The following FGD6 variants were observed in gnomAD, a reference collection of about 807,000 sequenced individuals.
The protein encoded by FGD6 is FYVE, RhoGEF and PH domain containing 6.
In FGD6, 90 loss-of-function variants were observed where a neutral mutation model predicts 149.4. That is an observed-to-expected ratio of 0.60 (90% CI 0.51 to 0.72). The LOEUF (loss-of-function observed/expected upper bound fraction) is 0.72. Ranked by LOEUF, FGD6 falls within the 30% of genes least tolerant of loss-of-function variation. The pLI is 0.00. For synonymous variants in FGD6, 527 were observed against 584.0 expected (o/e 0.90, Z 1.41); for missense variants, 1,437 against 1,684.8 (o/e 0.85, Z 2.57).
chr12:95,195,078 A>T (rs890242572), intron 2 of FGD6, among the ~76,000 whole-genome samples: 4 of 152,210 alleles, frequency 2.6e-5, no homozygotes, highest in Non-Finnish European at 5.9e-5. Context: ...CTGAGGGGAC[A>T]TGAAGTTTAC....
chr12:95,199,562 G>A (rs1881816234), intron 2 of FGD6, among the ~76,000 whole-genome samples: 1 of 151,210 alleles, frequency 6.6e-6, no homozygotes, highest in Admixed American at 6.6e-5. Flanking sequence ...TGCTTTATCT[G>A]CATGTTTTTA....
intron 3 of FGD6, among the ~76,000 whole-genome samples, chr12:95,167,668 G>A (rs1250923576): frequency 1.3e-4 from 19 of 146,438 alleles, no homozygotes; most frequent in Admixed American, 8.3e-4. Flanking sequence ...TCCGCAACCC[G>A]GGTTCAAGCA....
intron 2 of FGD6, among the ~76,000 whole-genome samples, chr12:95,203,326 A>T (rs1335337102): frequency 6.6e-6 from 1 of 152,200 alleles, no homozygotes; most frequent in Non-Finnish European, 1.5e-5. Flanking sequence ...CTTCTGGGCA[A>T]AGTTTCAAGG....
intron 8 of FGD6, among the ~76,000 whole-genome samples, chr12:95,129,866 G>A (rs1293016191): frequency 6.6e-6 from 1 of 151,974 alleles, no homozygotes; most frequent in Non-Finnish European, 1.5e-5. Flanking sequence ...TAGAGACAGG[G>A]TTTCACCATG....
In FGD6 at chr12:95,186,225, C is replaced by CTTTTTTT. The variant is rs1881428152; in HGVS notation, c.2442-13482_2442-13481insAAAAAAA. Among the ~76,000 whole-genome samples, 48 of 71,184 alleles carry CTTTTTTT rather than the reference C, an allele frequency of 6.7e-4. 19 individuals carry two copies. Among genetic ancestry groups the CTTTTTTT allele is most frequent in the South Asian group, 9.7e-4 (2 of 2,072 alleles). The allele number at this position is 71,184 out of a possible 152,430, so 46.7% of individuals were successfully genotyped here. Reference sequence around the variant, plus strand: ...AGCTAAGAATGCTTCTTATATTCTTCTTCTTTTTTTTTTTTTTTTTTTTTT... The same window carrying CTTTTTTT: ...AGCTAAGAATGCTTCTTATATTCTTCTTTTTTTTTCTTTTTTTTTTTTTTTTTTTTTT... On this transcript the variant is annotated intron_variant, in intron 2 of 20. Coordinates refer to ENST00000343958, the MANE Select transcript of FGD6 (RefSeq NM_018351.4).
At chr12:95,128,202 T>C (rs2136253182) in intron 8 of FGD6, among the ~76,000 whole-genome samples, 1 of 152,238 alleles carries the variant, frequency 6.6e-6, no homozygotes, top group South Asian at 2.1e-4. Flanking sequence ...TGAGTGAGTA[T>C]CTTTTGTGAC....
At chr12:95,168,403 C>G (rs1051206624) in intron 3 of FGD6, among the ~76,000 whole-genome samples, 2 of 152,192 alleles carry the variant, frequency 1.3e-5, no homozygotes, top group African/African-American at 4.8e-5. Context: ...GTGGATCACG[C>G]CTGTAATCCC....
At chr12:95,125,943 C>G (rs1205864681) in intron 8 of FGD6, 1 of 1,456,398 alleles carries the variant, frequency 6.9e-7, no homozygotes, top group African/African-American at 1.4e-5. Flanking sequence ...TGATTTCATC[C>G]TCAAGTTTCC....
At chr12:95,168,300 T>C (rs1880884307) in intron 3 of FGD6, among the ~76,000 whole-genome samples, 1 of 152,174 alleles carries the variant, frequency 6.6e-6, no homozygotes, top group Non-Finnish European at 1.5e-5. Context: ...AGAAACAATA[T>C]ATTTATTGGT....
chr12:95,108,393 A>C lies in FGD6; in HGVS notation c.3219T>G (p.Ile1073Met), dbSNP rs1878702399. The C allele has an allele frequency of 6.2e-7, 1 of 1,614,028 alleles. No individual in the cohort carries two copies. Among genetic ancestry groups the C allele is most frequent in the African/African-American group, 1.3e-5 (1 of 74,926 alleles). ...CATGGTGTCCATTTAAGCTGTACTG[A>C]ATTTGCATAAGTTTCTGAAAGTTGT... ...QGDNFQKLMQ[I>M]QYSLNGHHEI... The change falls in exon 11 of 21, where the codon ATT becomes ATG. Residue 1073 changes from isoleucine to methionine, a missense_variant. Ile to Met is a conservative substitution (Grantham distance 10). This residue lies in a region of FGD6 where 382 missense variants were observed against 538.7 expected (regional missense o/e 0.71). Coordinates refer to ENST00000343958, the MANE Select transcript of FGD6 (RefSeq NM_018351.4).
intron 8 of FGD6, among the ~76,000 whole-genome samples, chr12:95,127,484 T>C (rs1315280876): frequency 6.6e-6 from 1 of 152,118 alleles, no homozygotes; most frequent in Non-Finnish European, 1.5e-5. Flanking sequence ...GTGGAGGTTG[T>C]AGTGAGCCAA....
chr12:95,134,604 C>G (rs1879613235), intron 8 of FGD6, 135 bp downstream of exon 8: 1 of 758,172 alleles, frequency 1.3e-6, no homozygotes, highest in Non-Finnish European at 2.3e-6. Context: ...TATAAGCAAT[C>G]TACAAATCCA....
At chr12:95,116,574 G>A (rs1304420684) in intron 8 of FGD6, among the ~76,000 whole-genome samples, 1 of 152,098 alleles carries the variant, frequency 6.6e-6, no homozygotes, top group Non-Finnish European at 1.5e-5. Context: ...TTCTTTGCTT[G>A]TACTCAAACA....
intron 8 of FGD6, among the ~76,000 whole-genome samples, chr12:95,114,559 A>G (rs1034441032): frequency 1.3e-5 from 2 of 152,194 alleles, no homozygotes; most frequent in Middle Eastern, 3.4e-3. Flanking sequence ...ATCTGACCCC[A>G]AATATCAATA....
At chr12:95,085,002 A>T (rs1877811466) in intron 19 of FGD6, among the ~76,000 whole-genome samples, 1 of 152,216 alleles carries the variant, frequency 6.6e-6, no homozygotes, top group African/African-American at 2.4e-5. Flanking sequence ...ACTAAGGAAA[A>T]GTGTGGACCC....
chr12:95,177,023 T>C (rs7307378), intron 2 of FGD6, among the ~76,000 whole-genome samples: 23,260 of 152,122 alleles, frequency 0.15, 1,878 homozygotes, highest in African/African-American at 0.18. Context: ...AGACGGGGTT[T>C]CACCATGTTG....
intron 8 of FGD6, chr12:95,125,864 G>A: frequency 1.8e-6 from 2 of 1,129,160 alleles, no homozygotes; most frequent in Admixed American, 3.4e-5. Flanking sequence ...ATCAGAACAG[G>A]GCTTTGGTTG....
At chr12:95,101,510 G>A (rs1048221785) in intron 14 of FGD6, among the ~76,000 whole-genome samples, 1 of 151,994 alleles carries the variant, frequency 6.6e-6, no homozygotes, top group Non-Finnish European at 1.5e-5. Flanking sequence ...ATAGATTACT[G>A]TTTTTCACCA....
chr12:95,173,031 G>A (rs573300702), intron 2 of FGD6, among the ~76,000 whole-genome samples: 1 of 152,262 alleles, frequency 6.6e-6, no homozygotes, highest in African/African-American at 2.4e-5. Flanking sequence ...AAGAAGATCA[G>A]GTCTCTACTC....
Sources: allele counts gnomAD v4.1 joint callset (sites outside exome capture counted in the v4.1 genomes callset), GRCh38; gene constraint gnomAD v4.1.1; regional missense constraint gnomAD v4.1.1; transcripts MANE v1.5; gene names NCBI Gene and HGNC (gene_info 2026-07-23, HGNC 2026-07-21).